Variants in OTOGL observed in about 807,000 individuals in gnomAD.
OTOGL encodes the protein otogelin-like protein.
Under a neutral mutation model 318.5 loss-of-function variants are expected in OTOGL, and 285 were observed. That is an observed-to-expected ratio of 0.89 (90% CI 0.81 to 0.99). The LOEUF (loss-of-function observed/expected upper bound fraction) is 0.99. Ranked by LOEUF, OTOGL falls within the 50% of genes least tolerant of loss-of-function variation. The probability of loss-of-function intolerance (pLI) is 0.00; values close to 1 mark genes in which losing one functional copy is unlikely to be tolerated. For missense variants in OTOGL, 2,899 were observed against 2,845.6 expected, an observed-to-expected ratio of 1.02 and a Z score of -0.43; for synonymous variants, 987 against 936.5, an observed-to-expected ratio of 1.05 and a Z score of -0.99.
chr12:80,183,336 T>C (rs971945237), intron 1 of OTOGL, among the ~76,000 whole-genome samples: 1 of 152,162 alleles, frequency 6.6e-6, no homozygotes, highest in Non-Finnish European at 1.5e-5. Context: ...TTTGAAACAA[T>C]AGATATAAGA....
intron 11 of OTOGL, among the ~76,000 whole-genome samples, chr12:80,249,165 C>G (rs1207506701): frequency 6.8e-6 from 1 of 147,792 alleles, no homozygotes; most frequent in Non-Finnish European, 1.5e-5. Context: ...TCTCTCAGCT[C>G]GTCAAAATCA....
chr12:80,249,722 A>C (rs923464759), intron 11 of OTOGL, among the ~76,000 whole-genome samples: 13 of 152,148 alleles, frequency 8.5e-5, no homozygotes, highest in Admixed American at 7.8e-4. Flanking sequence ...TGCTTTGTTT[A>C]CCTAAGGAAG....
intron 1 of OTOGL, among the ~76,000 whole-genome samples, chr12:80,126,802 C>G (rs997330086): frequency 1.3e-5 from 2 of 152,140 alleles, no homozygotes; most frequent in African/African-American, 2.4e-5. Context: ...TAATGGCCTT[C>G]TTTGTCTCTT....
intron 1 of OTOGL, among the ~76,000 whole-genome samples, chr12:80,181,331 T>TTCTCTCTCTCTCTC (rs57549257): frequency 2.0e-5 from 3 of 149,254 alleles, no homozygotes; most frequent in East Asian, 4.0e-4. Context: ...TTAAATTTAC[T>TTCTCTCTCTCTCTC]TCTCTCTCTC....
Position 80,200,488 on chromosome 12 carries a change from A to G in OTOGL, c.-19-8925A>G, listed in dbSNP as rs74108553. 7.1e-3 allele frequency among the ~76,000 whole-genome samples: 1,087 copies of G among 152,344 alleles called. 9 individuals are homozygous for G. Among genetic ancestry groups the G allele is most frequent in the African/African-American group, 0.025 (1,042 of 41,570 alleles). On this transcript the variant is annotated intron_variant, in intron 1 of 58. Transcript: ENST00000547103. ...CTGAATTCATAATACAAATGAATAG[A>G]TATTTTTCAATGATTGAGAACCCTC...
At position 80,126,739 on chromosome 12, in the gene OTOGL, A is replaced by G. The variant is rs1176982176; in HGVS notation, c.-20+27134A>G. Among the ~76,000 whole-genome samples the G allele has an allele frequency of 4.6e-5, 7 of 152,166 alleles. No homozygotes were observed. The South Asian group carries it at 6.2e-4, about 14-fold the overall frequency. On this transcript the variant is annotated intron_variant, in intron 1 of 58. Transcript: ENST00000547103. Reference sequence around the variant, plus strand: ...CTGGGTGCTCTTGTATTGGGTGCATATATATTTAGGATAGTTAGCTCTTCT... The same window carrying G: ...CTGGGTGCTCTTGTATTGGGTGCATGTATATTTAGGATAGTTAGCTCTTCT...
intron 26 of OTOGL, among the ~76,000 whole-genome samples, chr12:80,291,374 T>C (rs1885031339): frequency 6.6e-6 from 1 of 152,236 alleles, no homozygotes; most frequent in African/African-American, 2.4e-5. Flanking sequence ...GAATAATTAT[T>C]GTTCATATAG....
At chr12:80,108,379 A>G (rs909454164) in intron 1 of OTOGL, among the ~76,000 whole-genome samples, 2 of 151,992 alleles carry the variant, frequency 1.3e-5, no homozygotes, top group African/African-American at 4.8e-5. Flanking sequence ...GGTGGAATAC[A>G]TTTCTAGTTT....
chr12:80,311,270 C>G (rs1376942435), intron 30 of OTOGL, among the ~76,000 whole-genome samples: 1 of 152,212 alleles, frequency 6.6e-6, no homozygotes, highest in African/African-American at 2.4e-5. Context: ...GCATACAAAG[C>G]TATGCCAGTG....
rs369625813 is a variant in OTOGL, at chr12:80,125,781, T to C, written c.-20+26176T>C. ...TTTAGTCTTCGGAGGGTGTATGTGT[T>C]GAGGAATTTATCCGTTTCTTCTAGA... On this transcript the variant is annotated intron_variant, in intron 1 of 58. Transcript: ENST00000547103. Among the ~76,000 whole-genome samples the C allele has an allele frequency of 1.1e-4, 17 of 152,300 alleles. No individual in the cohort carries two copies. In the East Asian group the frequency reaches 3.1e-3, roughly 28 times the overall value.
chr12:80,289,591 G>T (rs955796023), intron 26 of OTOGL, among the ~76,000 whole-genome samples: 1 of 152,208 alleles, frequency 6.6e-6, no homozygotes, highest in Admixed American at 6.5e-5. Context: ...GAGATGTCCT[G>T]CCCAGTGAGG....
chr12:80,248,899 C>T lies in OTOGL; in HGVS notation c.1053-2794C>T, dbSNP rs1467062137. Among the ~76,000 whole-genome samples, 9 of 148,728 alleles carry T rather than the reference C, an allele frequency of 6.1e-5. 1 individual carries two copies. The highest frequency in any genetic ancestry group is 2.3e-4 in the African/African-American group (9 of 38,934). On this transcript the variant is annotated intron_variant, in intron 11 of 58. Coordinates refer to ENST00000547103, the MANE Select transcript of OTOGL (RefSeq NM_001378609.3). ...TTTTTTCTCTAAACTTCCCTTCTCA[C>T]TTCATTTCATTCATTTCATCTTCCA...
chr12:80,100,581 T>G (rs1375594224), intron 1 of OTOGL, among the ~76,000 whole-genome samples: 1 of 152,206 alleles, frequency 6.6e-6, no homozygotes, highest in East Asian at 1.9e-4. Context: ...ACATTGTTTT[T>G]CAAACCGCTA....
chr12:80,271,507 A>T, intron 23 of OTOGL, 141 bp from the exon 24 acceptor site: 1 of 662,536 alleles, frequency 1.5e-6, no homozygotes, highest in Non-Finnish European at 2.4e-6. Context: ...TATTCTAGTT[A>T]GTTACTGTCT....
intron 26 of OTOGL, among the ~76,000 whole-genome samples, chr12:80,286,869 C>T (rs1011539010): frequency 4.6e-5 from 7 of 151,974 alleles, no homozygotes; most frequent in Non-Finnish European, 7.4e-5. Context: ...AAGGATTTTT[C>T]GTGTCTCTAT....
At chr12:80,336,589 C>T in intron 40 of OTOGL, 34 bp downstream of exon 40, 1 of 1,580,152 alleles carries the variant, frequency 6.3e-7, no homozygotes, top group Non-Finnish European at 8.7e-7. Context: ...GTCATTTCAT[C>T]ATAAATCTAT....
At chr12:80,345,157 T>C (rs1839302400) in intron 44 of OTOGL, among the ~76,000 whole-genome samples, 2 of 138,614 alleles carry the variant, frequency 1.4e-5, no homozygotes, top group African/African-American at 5.4e-5. Flanking sequence ...TGTTATATTA[T>C]ATATTATGAT....
At chr12:80,369,566 A>T (rs1890755389) in intron 55 of OTOGL, among the ~76,000 whole-genome samples, 1 of 152,076 alleles carries the variant, frequency 6.6e-6, no homozygotes, top group Non-Finnish European at 1.5e-5. Context: ...ATAGAGTGGC[A>T]ATAAAAAGCC....
chr12:80,373,226 G>T (rs193191609), intron 57 of OTOGL, among the ~76,000 whole-genome samples: 1 of 152,202 alleles, frequency 6.6e-6, no homozygotes, highest in African/African-American at 2.4e-5. Context: ...AAGGTCAGAA[G>T]ATCGAGACCA....
Sources: allele counts gnomAD v4.1 joint callset (sites outside exome capture counted in the v4.1 genomes callset), GRCh38; gene constraint gnomAD v4.1.1; transcripts MANE v1.5; gene names NCBI Gene and HGNC (gene_info 2026-07-23, HGNC 2026-07-21).